Variants in CTNNA3 observed in about 807,000 individuals in gnomAD.
The protein encoded by CTNNA3 is catenin alpha-3.
In CTNNA3, 76 loss-of-function variants were observed where a neutral mutation model predicts 95.7. The observed-to-expected ratio is 0.79, with a 90% CI of 0.66 to 0.96. The LOEUF is 0.96. Ranked by LOEUF, CTNNA3 falls within the 40% of genes least tolerant of loss-of-function variation. CTNNA3 has a pLI of 0.00. For missense variants in CTNNA3, 1,191 were observed against 1,089.8 expected (o/e 1.09, Z -1.31); for synonymous variants, 431 against 374.4 (o/e 1.15, Z -1.74).
chr10:66,585,299 G>A (rs1211008967), intron 10 of CTNNA3, among the ~76,000 whole-genome samples: 4 of 151,912 alleles, frequency 2.6e-5, no homozygotes, highest in South Asian at 2.1e-4. Context: ...TTTTTGCTAC[G>A]TTTTTCTCCC....
chr10:67,147,175 AT>A (rs1368597091), intron 7 of CTNNA3, among the ~76,000 whole-genome samples: 2 of 152,198 alleles, frequency 1.3e-5, no homozygotes, highest in Non-Finnish European at 2.9e-5. Context: ...CCCTGTTCAA[AT>A]TGCAATTTGT....
chr10:66,177,480 T>A (rs1046485788), intron 13 of CTNNA3, among the ~76,000 whole-genome samples: 1 of 151,906 alleles, frequency 6.6e-6, no homozygotes, highest in East Asian at 1.9e-4. Context: ...GAAGAAAATA[T>A]CACAATTTTG....
rs549840134 is a variant in CTNNA3 at position 66,410,220 on chromosome 10, C to T, written c.1532-30868G>A. ...GATCAAAAAGATAAAAAAGATCAGCCTTGACCTTGGAACAAAACTTTGGTA... is the reference window on the plus strand; with the variant it reads ...GATCAAAAAGATAAAAAAGATCAGCTTTGACCTTGGAACAAAACTTTGGTA... On this transcript the variant is annotated intron_variant, in intron 11 of 17. Coordinates refer to ENST00000433211, the MANE Select transcript of CTNNA3 (RefSeq NM_013266.4). 2.0e-5 allele frequency among the ~76,000 whole-genome samples: 3 copies of T among 152,108 alleles called. No individual in the cohort carries two copies. In the East Asian group the frequency reaches 5.8e-4, roughly 29 times the overall value.
At chr10:66,290,865 A>T (rs1275006466) in intron 12 of CTNNA3, among the ~76,000 whole-genome samples, 1 of 152,182 alleles carries the variant, frequency 6.6e-6, no homozygotes, top group East Asian at 1.9e-4. Context: ...TTTATCAGGC[A>T]AAAGAACTTC....
At chr10:67,729,575 A>T (rs1025444872) in intron 1 of CTNNA3, among the ~76,000 whole-genome samples, 5 of 152,292 alleles carry the variant, frequency 3.3e-5, no homozygotes, top group Non-Finnish European at 5.9e-5. Flanking sequence ...ATTTTCTGAT[A>T]AGAAAAGTAT....
chr10:67,587,527 T>A (rs1842672999), intron 3 of CTNNA3, among the ~76,000 whole-genome samples: 1 of 152,180 alleles, frequency 6.6e-6, no homozygotes, highest in Admixed American at 6.5e-5. Flanking sequence ...GCACTTTGAA[T>A]ATATCATGCA....
chr10:67,392,368 A>C (rs2132774562), intron 5 of CTNNA3, among the ~76,000 whole-genome samples: 1 of 152,318 alleles, frequency 6.6e-6, no homozygotes, highest in Admixed American at 6.5e-5. Context: ...ACCATCTCAC[A>C]CCAGTTAGAA....
chr10:65,993,750 T>A (rs1020153176), intron 15 of CTNNA3, among the ~76,000 whole-genome samples: 2 of 152,152 alleles, frequency 1.3e-5, no homozygotes, highest in Non-Finnish European at 2.9e-5. Context: ...CTATATATAT[T>A]TTTTAGATGG....
intron 12 of CTNNA3, among the ~76,000 whole-genome samples, chr10:66,377,161 C>G (rs1308231680): frequency 6.6e-6 from 1 of 151,904 alleles, no homozygotes; most frequent in Admixed American, 6.6e-5. Flanking sequence ...AAAGATACAC[C>G]AAAATTTTTC....
intron 9 of CTNNA3, among the ~76,000 whole-genome samples, chr10:66,703,353 T>C (rs1848015724): frequency 6.6e-6 from 1 of 152,220 alleles, no homozygotes; most frequent in Non-Finnish European, 1.5e-5. Context: ...AGTGTTTTTA[T>C]ATTTACTCTT....
intron 12 of CTNNA3, among the ~76,000 whole-genome samples, chr10:66,324,676 T>C (rs2092232047): frequency 6.6e-6 from 1 of 152,040 alleles, no homozygotes; most frequent in Non-Finnish European, 1.5e-5. Flanking sequence ...CACAAACCTG[T>C]TCCATGTCCT....
intron 9 of CTNNA3, among the ~76,000 whole-genome samples, chr10:66,745,896 G>A (rs1349694610): frequency 2.0e-5 from 3 of 151,892 alleles, no homozygotes; most frequent in African/African-American, 7.3e-5. Context: ...ACAGCGCCCG[G>A]CCCACAGACA....
At chr10:66,752,853 C>T (rs1264107515) in intron 9 of CTNNA3, among the ~76,000 whole-genome samples, 1 of 151,364 alleles carries the variant, frequency 6.6e-6, no homozygotes, top group African/African-American at 2.5e-5. Flanking sequence ...CACACACACA[C>T]ACGCACACAC....
intron 2 of CTNNA3, among the ~76,000 whole-genome samples, chr10:67,618,682 C>A (rs929141279): frequency 2.6e-5 from 4 of 152,116 alleles, no homozygotes; most frequent in African/African-American, 9.7e-5. Context: ...CAAAAAAGAT[C>A]ATCAAAGATA....
intron 7 of CTNNA3, among the ~76,000 whole-genome samples, chr10:67,074,342 CTTTTTTTTTTTTTTTT>C (rs36186252): frequency 1.5e-5 from 1 of 68,726 alleles, no homozygotes; most frequent in African/African-American, 6.9e-5. Flanking sequence ...CACTTTAACT[CTTTTTTTTTTTTTTTT>C]TTTTTTTTTT....
chr10:66,451,181 G>A (rs1432677968), intron 11 of CTNNA3, among the ~76,000 whole-genome samples: 1 of 152,118 alleles, frequency 6.6e-6, no homozygotes, highest in East Asian at 1.9e-4. Flanking sequence ...TTGCAATAAT[G>A]ATTAATAGTG....
intron 12 of CTNNA3, among the ~76,000 whole-genome samples, chr10:66,303,584 T>C (rs1022997594): frequency 1.3e-5 from 2 of 152,134 alleles, no homozygotes; most frequent in African/African-American, 2.4e-5. Context: ...AAAAGTCTTA[T>C]CTCAATATAC....
chr10:67,417,920 C>T (rs1845601540), intron 5 of CTNNA3, among the ~76,000 whole-genome samples: 1 of 152,100 alleles, frequency 6.6e-6, no homozygotes, highest in Non-Finnish European at 1.5e-5. Flanking sequence ...TTCATAGCAA[C>T]ATTTTTCATA....
At chr10:66,219,953 A>T (rs2088823863) in intron 13 of CTNNA3, among the ~76,000 whole-genome samples, 1 of 151,912 alleles carries the variant, frequency 6.6e-6, no homozygotes, top group Non-Finnish European at 1.5e-5. Flanking sequence ...GAGAAACCTC[A>T]TCTCTACTAA....
Sources: gnomAD v4.1 joint callset for allele counts (sites outside exome capture counted in the v4.1 genomes callset) on GRCh38, gnomAD v4.1.1 for gene constraint, MANE v1.5 for transcripts, NCBI Gene and HGNC (gene_info 2026-07-23, HGNC 2026-07-21) for gene names.